Variants in N4BP2 observed in about 807,000 individuals in gnomAD.
N4BP2 encodes NEDD4 binding protein 2.
A neutral mutation model predicts 152.8 loss-of-function variants in N4BP2; 91 were observed. The ratio of observed to expected loss-of-function variants is 0.60; its 90% CI spans 0.50 to 0.71. The LOEUF is 0.71. Ranked by LOEUF, N4BP2 falls within the 30% of genes least tolerant of loss-of-function variation. The pLI, the probability that N4BP2 is intolerant of heterozygous loss-of-function variation, is 0.00. For missense variants in N4BP2, 1,923 were observed against 2,059.1 expected, an observed-to-expected ratio of 0.93 and a Z score of 1.28; for synonymous variants, 646 against 705.3, an observed-to-expected ratio of 0.92 and a Z score of 1.33.
At chr4:40,184,053 G>C in the N4BP2 span, among the ~76,000 whole-genome samples, 1 of 152,308 alleles carries the variant, frequency 6.6e-6, no homozygotes, top group East Asian at 1.9e-4. Context: ...AAGCTGAGAA[G>C]CAGGAATCAG....
chr4:40,166,151 A>G, the N4BP2 span, among the ~76,000 whole-genome samples: 1 of 152,166 alleles, frequency 6.6e-6, no homozygotes, highest in Non-Finnish European at 1.5e-5. Context: ...TCAGGATGCC[A>G]ATATTGGAAT....
At chr4:40,091,782 A>AT (rs1351685836) in intron 2 of N4BP2, among the ~76,000 whole-genome samples, 2 of 146,874 alleles carry the variant, frequency 1.4e-5, no homozygotes, top group Admixed American at 6.9e-5. Flanking sequence ...CTAATTTTAA[A>AT]TTTTTTTGTA....
Position 40,142,820 on chromosome 4 carries a change from C to T in N4BP2, c.4933C>T (p.Arg1645Trp), listed in dbSNP as rs201204950. Residue 1645 changes from arginine (R) to tryptophan (W), a missense_variant, in exon 15 of 18, where the codon CGG becomes TGG. Transcript: ENST00000261435. ...ECYSKAKEAY[R>W]IGKKNVATFY... ...CTACAGCAAGGCCAAAGAAGCTTAT[C>T]GGATAGGGAAAAAAAATGTCGCCAC... is the stretch of plus-strand genomic sequence containing the variant. The T allele has an allele frequency of 8.7e-6, 14 of 1,613,672 alleles. No homozygotes were observed. Among genetic ancestry groups the T allele is most frequent in the East Asian group, 4.5e-5 (2 of 44,864 alleles).
At chr4:40,112,200 A>G (rs371882082) in intron 6 of N4BP2, 28 bp downstream of exon 6, 2 of 1,286,270 alleles carry the variant, frequency 1.6e-6, no homozygotes, top group African/African-American at 1.5e-5. Flanking sequence ...TCATAAGTTT[A>G]TAACAGTTTG....
chr4:40,100,144 C>A (rs1483867313), intron 3 of N4BP2: 3 of 445,130 alleles, frequency 6.7e-6, no homozygotes, highest in Non-Finnish European at 1.4e-5. Context: ...CTTTTATTAT[C>A]CCCATATTAC....
At chr4:40,069,500 A>G (rs1370559694) in intron 1 of N4BP2, among the ~76,000 whole-genome samples, 1 of 152,126 alleles carries the variant, frequency 6.6e-6, no homozygotes, top group African/African-American at 2.4e-5. Context: ...TCTTCTCGAC[A>G]TGTAAGGACA....
intron 13 of N4BP2, among the ~76,000 whole-genome samples, chr4:40,134,843 T>G (rs527913230): frequency 1.2e-4 from 18 of 152,196 alleles, no homozygotes; most frequent in African/African-American, 4.3e-4. Flanking sequence ...TCTTTCCCTT[T>G]TGCTTTCTTG....
the N4BP2 span, among the ~76,000 whole-genome samples, chr4:40,189,909 C>G: frequency 7.0e-6 from 1 of 143,744 alleles, no homozygotes; most frequent in Non-Finnish European, 1.5e-5. This position sits in a 1 kb window ranked among gnomAD's most constrained non-coding sequence, Gnocchi z 4.3. Context: ...CACACACACA[C>G]ACACAGACAC....
At position 40,073,462 on chromosome 4, in the gene N4BP2, A is replaced by T. The variant is rs1712411884; in HGVS notation, c.-204A>T. Reference sequence around the variant, plus strand: ...ATAACTTTCCTTTCATAGTAAGAAGACATGTTGGATAACAAGAAGAGGTGT... The same window carrying T: ...ATAACTTTCCTTTCATAGTAAGAAGTCATGTTGGATAACAAGAAGAGGTGT... On this transcript the variant is annotated 5_prime_UTR_variant, in exon 2 of 18. Transcript: ENST00000261435. 6.6e-6 allele frequency: 1 copy of T among 152,202 alleles called. No individual in the cohort carries two copies. Among genetic ancestry groups the T allele is most frequent in the African/African-American group, 2.4e-5 (1 of 41,466 alleles). 9.4% of individuals were successfully genotyped at this position (152,202 alleles called of 1,614,324 possible). A position where few individuals can be genotyped will look rare whatever the true frequency, so the allele number is the denominator to read the frequency against.
chr4:40,186,751 A>T, the N4BP2 span, among the ~76,000 whole-genome samples: 1 of 152,328 alleles, frequency 6.6e-6, no homozygotes, highest in East Asian at 1.9e-4. Flanking sequence ...CCTAGGACTG[A>T]GCCACCAGGA....
At chr4:40,099,475 C>T (rs975949521) in intron 3 of N4BP2, among the ~76,000 whole-genome samples, 4 of 152,014 alleles carry the variant, frequency 2.6e-5, no homozygotes, top group African/African-American at 9.7e-5. Flanking sequence ...GTCTCGAACT[C>T]CTGACCTCAG....
chr4:40,135,185 G>T (rs1453829838), intron 13 of N4BP2, among the ~76,000 whole-genome samples: 1 of 148,156 alleles, frequency 6.7e-6, no homozygotes, highest in Admixed American at 6.9e-5. Flanking sequence ...ACCTATGAGT[G>T]AGAATATACG....
intron 4 of N4BP2, among the ~76,000 whole-genome samples, chr4:40,105,705 C>T (rs1020765199): frequency 1.3e-5 from 2 of 151,940 alleles, no homozygotes; most frequent in Non-Finnish European, 2.9e-5. Flanking sequence ...ATGGGCCCAC[C>T]ACACCCGGCT....
At chr4:40,165,341 C>T in the N4BP2 span, among the ~76,000 whole-genome samples, 25 of 152,204 alleles carry the variant, frequency 1.6e-4, no homozygotes, top group East Asian at 5.8e-4. Flanking sequence ...CTCTGCTTCC[C>T]GGGCTCAAGC....
chr4:40,063,620 T>G (rs1202483912), intron 1 of N4BP2, among the ~76,000 whole-genome samples: 1 of 152,094 alleles, frequency 6.6e-6, no homozygotes, highest in Non-Finnish European at 1.5e-5. Context: ...TTTATTGATT[T>G]ATTTATTTTT....
Position 40,121,391 on chromosome 4 carries a change from A to ATTCT in N4BP2, c.3283_3286dup (p.Cys1096SerfsTer3). Reference sequence around the variant, plus strand: ...TGCAGATGAATCTGAAAATCTTAACATTCTTTGTAAACTGTTTGGATCCTT... The same window carrying ATTCT: ...TGCAGATGAATCTGAAAATCTTAACATTCTTTCTTTGTAAACTGTTTGGATCCTT... On this transcript the variant is annotated frameshift_variant, in exon 9 of 18. Transcript: ENST00000261435. LOFTEE classifies it high-confidence loss of function. 6.2e-7 allele frequency: 1 copy of ATTCT among 1,612,546 alleles called. No individual in the cohort carries two copies. Among genetic ancestry groups the ATTCT allele is most frequent in the Non-Finnish European group, 8.5e-7 (1 of 1,179,616 alleles).
At chr4:40,136,070 C>G (rs953514085) in intron 13 of N4BP2, among the ~76,000 whole-genome samples, 6 of 152,094 alleles carry the variant, frequency 3.9e-5, no homozygotes, top group Non-Finnish European at 8.8e-5. Flanking sequence ...GTATCACCGT[C>G]AAGATATGAC....
At chr4:40,190,236 C>T in the N4BP2 span, among the ~76,000 whole-genome samples, 2 of 152,220 alleles carry the variant, frequency 1.3e-5, no homozygotes, top group East Asian at 1.9e-4. Flanking sequence ...GGCACCTAGC[C>T]GAGTGCTCAA....
At chr4:40,069,727 G>A (rs1711956526) in intron 1 of N4BP2, among the ~76,000 whole-genome samples, 1 of 152,138 alleles carries the variant, frequency 6.6e-6, no homozygotes, top group East Asian at 1.9e-4. Context: ...GGGCAGCAAA[G>A]CGAGACCCTG....
Sources: allele counts gnomAD v4.1 joint callset (sites outside exome capture counted in the v4.1 genomes callset), GRCh38; gene constraint gnomAD v4.1.1; non-coding constraint Gnocchi (gnomAD v3.1); transcripts MANE v1.5; gene names NCBI Gene and HGNC (gene_info 2026-07-23, HGNC 2026-07-21).